ENOX1: variants seen among roughly 807,000 people sequenced by gnomAD.
ENOX1 encodes candidate growth-related and time keeping constitutive hydroquinone (NADH) oxidase.
Under a neutral mutation model 82.5 loss-of-function variants are expected in ENOX1, and 42 were observed. The observed-to-expected ratio is 0.51, with a 90% confidence interval of 0.40 to 0.66. ENOX1 has a LOEUF of 0.66. ENOX1 is among the 30% of genes least tolerant of loss of function. The probability of loss-of-function intolerance (pLI) is 0.00; values close to 1 mark genes in which losing one functional copy is unlikely to be tolerated. For missense variants in ENOX1, 608 were observed against 811.6 expected, an observed-to-expected ratio of 0.75 and a Z score of 3.05; for synonymous variants, 271 against 282.2, an observed-to-expected ratio of 0.96 and a Z score of 0.40.
chr13:43,404,020 A>G (rs572124527), intron 5 of ENOX1, among the ~76,000 whole-genome samples: 1 of 151,998 alleles, frequency 6.6e-6, no homozygotes, highest in Non-Finnish European at 1.5e-5. Context: ...TAGGCCATCT[A>G]CCTCTGCCCC....
At chr13:43,643,648 T>TAC (rs752248241) in intron 2 of ENOX1, among the ~76,000 whole-genome samples, 35 of 150,124 alleles carry the variant, frequency 2.3e-4, no homozygotes, top group East Asian at 5.9e-4. Flanking sequence ...TATATATATA[T>TAC]ACACACACAT....
At chr13:43,615,124 T>C (rs2082352641) in intron 2 of ENOX1, among the ~76,000 whole-genome samples, 1 of 152,222 alleles carries the variant, frequency 6.6e-6, no homozygotes. Context: ...ATTTACTTTC[T>C]TTAAAATAAG....
chr13:43,622,339 A>G (rs1235630386), intron 2 of ENOX1, among the ~76,000 whole-genome samples: 1 of 152,112 alleles, frequency 6.6e-6, no homozygotes, highest in African/African-American at 2.4e-5. Flanking sequence ...TCATATTACC[A>G]GGGTTGTTTT....
At chr13:43,323,960 G>A (rs1358002568) in intron 10 of ENOX1, among the ~76,000 whole-genome samples, 1 of 152,244 alleles carries the variant, frequency 6.6e-6, no homozygotes, top group Admixed American at 6.5e-5. Flanking sequence ...AGAAGACAGG[G>A]AAGGGAGAAA....
At chr13:43,536,913 T>C (rs2078485037) in intron 2 of ENOX1, among the ~76,000 whole-genome samples, 1 of 152,080 alleles carries the variant, frequency 6.6e-6, no homozygotes, top group Non-Finnish European at 1.5e-5. Flanking sequence ...TTTAGACCAA[T>C]TTACATAAAA....
intron 1 of ENOX1, among the ~76,000 whole-genome samples, chr13:43,761,101 A>T (rs1250263204): frequency 1.3e-5 from 2 of 152,008 alleles, no homozygotes; most frequent in Non-Finnish European, 1.5e-5. Flanking sequence ...AAAGTCACAG[A>T]AAGAGGCCCA....
At chr13:43,627,108 T>C (rs115289375) in intron 2 of ENOX1, among the ~76,000 whole-genome samples, 2,086 of 152,166 alleles carry the variant, frequency 0.014, 42 homozygotes, top group African/African-American at 0.048. Flanking sequence ...ATAGCCACTC[T>C]TGAATTCCAT....
chr13:43,306,247 C>G (rs1376098561), intron 11 of ENOX1, among the ~76,000 whole-genome samples: 2 of 152,166 alleles, frequency 1.3e-5, no homozygotes, highest in Non-Finnish European at 2.9e-5. Context: ...GGAGGATGTG[C>G]CATGGCTATG....
At chr13:43,555,278 T>C (rs1306912582) in intron 2 of ENOX1, among the ~76,000 whole-genome samples, 1 of 152,258 alleles carries the variant, frequency 6.6e-6, no homozygotes, top group Non-Finnish European at 1.5e-5. Context: ...ATCAGCCGTA[T>C]ATGTGTCCTC....
Position 43,275,310 on chromosome 13 carries a change from T to G in ENOX1, c.1447-5733A>C, listed in dbSNP as rs149760701. Among the ~76,000 whole-genome samples the G allele has an allele frequency of 5.2e-3, 795 of 152,324 alleles. 7 individuals are homozygous for G. The highest frequency in any genetic ancestry group is 0.019 in the African/African-American group (771 of 41,574). On this transcript the variant is annotated intron_variant, in intron 12 of 16. Coordinates refer to ENST00000690772, the MANE Select transcript of ENOX1 (RefSeq NM_001347969.2). ...AATTTTGTTACCAAGGTGAAGTTTT[T>G]ATATAGTTAACAGACTATGTAAGTT...
chr13:43,760,163 A>C (rs1950881925), intron 1 of ENOX1, among the ~76,000 whole-genome samples: 1 of 152,190 alleles, frequency 6.6e-6, no homozygotes, highest in Non-Finnish European at 1.5e-5. Context: ...AATGAAAAGA[A>C]ACTCCTCATT....
intron 1 of ENOX1, among the ~76,000 whole-genome samples, chr13:43,726,215 C>CTTT (rs112974839): frequency 3.0e-5 from 4 of 135,490 alleles, no homozygotes; most frequent in South Asian, 2.4e-4. Flanking sequence ...AATTTTTCAT[C>CTTT]TTTTTTTTTT....
At chr13:43,526,727 A>G (rs2078005184) in intron 2 of ENOX1, among the ~76,000 whole-genome samples, 1 of 152,052 alleles carries the variant, frequency 6.6e-6, no homozygotes, top group Admixed American at 6.5e-5. Context: ...AGCCTACTTT[A>G]CTTTTTTCTT....
chr13:43,376,010 A>G (rs112808183), intron 5 of ENOX1, among the ~76,000 whole-genome samples: 14 of 152,354 alleles, frequency 9.2e-5, no homozygotes, highest in Admixed American at 2.6e-4. Context: ...ACAGAGTACA[A>G]GGGCTGGCTA....
intron 12 of ENOX1, among the ~76,000 whole-genome samples, chr13:43,287,191 GT>G (rs1193301278): frequency 2.6e-5 from 4 of 152,166 alleles, no homozygotes; most frequent in African/African-American, 9.7e-5. Context: ...TAACATGAAG[GT>G]GCTTTTGTGA....
chr13:43,337,385 T>C (rs2048775335), intron 9 of ENOX1, among the ~76,000 whole-genome samples: 1 of 152,176 alleles, frequency 6.6e-6, no homozygotes, highest in Admixed American at 6.6e-5. Context: ...ATAAACTTGA[T>C]GCACATAAAA....
In ENOX1 at chr13:43,648,870, T is replaced by C. The variant is rs998239919; in HGVS notation, c.-219+18609A>G. Among the ~76,000 whole-genome samples the C allele has an allele frequency of 5.5e-4, 84 of 152,344 alleles. 1 individual carries two copies. Among genetic ancestry groups the C allele is most frequent in the African/African-American group, 1.9e-3 (80 of 41,586 alleles). On this transcript the variant is annotated intron_variant, in intron 2 of 16. Transcript: ENST00000690772. Reference sequence around the variant, plus strand: ...TGAATATGGATGTGGTTAGACTCCCTGTGACGGCTACATTGCTGTTACTGT... The same window carrying C: ...TGAATATGGATGTGGTTAGACTCCCCGTGACGGCTACATTGCTGTTACTGT...
intron 2 of ENOX1, among the ~76,000 whole-genome samples, chr13:43,552,187 T>C (rs1001581885): frequency 4.6e-5 from 7 of 152,140 alleles, no homozygotes; most frequent in African/African-American, 1.7e-4. Context: ...TTCAACTTCA[T>C]TGTGGGAGAC....
At chr13:43,669,720 G>C (rs1027045728) in intron 1 of ENOX1, among the ~76,000 whole-genome samples, 1 of 151,966 alleles carries the variant, frequency 6.6e-6, no homozygotes. Flanking sequence ...ATAGAGCTTA[G>C]AAATGATAGG....
Sources: gnomAD v4.1 joint callset for allele counts (sites outside exome capture counted in the v4.1 genomes callset) on GRCh38, gnomAD v4.1.1 for gene constraint, MANE v1.5 for transcripts, NCBI Gene and HGNC (gene_info 2026-07-23, HGNC 2026-07-21) for gene names.